The following EIF3F variants were observed in gnomAD, a reference collection of about 807,000 sequenced individuals.
EIF3F encodes eukaryotic translation initiation factor 3 subunit F.
A neutral mutation model predicts 36.0 loss-of-function variants in EIF3F; 8 were observed. That is an observed-to-expected ratio of 0.22 (90% CI 0.13 to 0.40). EIF3F has a LOEUF of 0.40. EIF3F is among the 10% of genes least tolerant of loss of function. EIF3F has a pLI of 1.00. For missense variants in EIF3F, 430 were observed against 467.6 expected (o/e 0.92, Z 0.74); for synonymous variants, 184 against 188.5 (o/e 0.98, Z 0.19).
chr11:7,993,557 G>A (rs1448141033), intron 4 of EIF3F, among the ~76,000 whole-genome samples: 1 of 152,188 alleles, frequency 6.6e-6, no homozygotes, highest in Non-Finnish European at 1.5e-5. Context: ...TATGGGGGAT[G>A]TTGGGAAAGG....
At chr11:7,990,398 A>G (rs1314062228) in intron 1 of EIF3F, among the ~76,000 whole-genome samples, 2 of 151,998 alleles carry the variant, frequency 1.3e-5, no homozygotes, top group African/African-American at 4.8e-5. Context: ...CCTTTGTAGC[A>G]AGAAAGCAGC....
intron 7 of EIF3F, 138 bp from the exon 8 acceptor site, chr11:7,995,806 CT>C: frequency 1.4e-6 from 1 of 734,280 alleles, no homozygotes; most frequent in South Asian, 1.6e-5. Flanking sequence ...ACCTTTTTGA[CT>C]TTTATTCAGT....
chr11:7,992,703 G>C (rs1280902550), intron 3 of EIF3F, 184 bp from the exon 4 acceptor site: 14 of 751,576 alleles, frequency 1.9e-5, no homozygotes, highest in Non-Finnish European at 3.1e-5. Context: ...TTTTTCATCA[G>C]CACTAAGTCA....
chr11:7,989,340 A>G (rs1564885705), intron 1 of EIF3F, among the ~76,000 whole-genome samples: 1 of 152,212 alleles, frequency 6.6e-6, no homozygotes, highest in Non-Finnish European at 1.5e-5. Flanking sequence ...TTAGCGCCCC[A>G]AATATTCCAG....
In EIF3F at chr11:7,987,391, C is replaced by T. The variant is rs151005116; in HGVS notation, c.39C>T (p.Ala13=). The change falls in exon 1 of 8, where the codon GCC becomes GCT. Residue 13 remains alanine (A), a synonymous_variant. Transcript: ENST00000651655. ...CGGTACCAGTAAGTGCTCCTCCGGC[C>T]ACGCCAACCCCAGTCCCGGCGGCGG... ...TPAVPVSAPP[A]TPTPVPAAAP... The T allele has an allele frequency of 5.0e-6, 8 of 1,599,394 alleles. No individual in the cohort carries two copies. The highest frequency in any genetic ancestry group is 2.2e-5 in the South Asian group (2 of 90,900).
chr11:7,990,440 C>CA (rs1488181315), intron 1 of EIF3F, among the ~76,000 whole-genome samples: 6 of 152,078 alleles, frequency 3.9e-5, no homozygotes, highest in South Asian at 2.1e-4. Context: ...ACTTTATTCA[C>CA]AAAAAACATT....
chr11:7,995,798 CT>C (rs1942153917), intron 7 of EIF3F, 146 bp from the exon 8 acceptor site: 1 of 715,624 alleles, frequency 1.4e-6, no homozygotes. Flanking sequence ...TGTCTTCTAC[CT>C]TTTTGACTTT....
At chr11:7,995,550 T>TC (rs1942151088) in intron 7 of EIF3F, 183 bp downstream of exon 7, 2 of 618,500 alleles carry the variant, frequency 3.2e-6, no homozygotes, top group Admixed American at 5.6e-5. Context: ...GTTGGAGACT[T>TC]CCTTCCTTCT....
chr11:7,988,650 T>TG (rs1942055938), intron 1 of EIF3F, among the ~76,000 whole-genome samples: 1 of 152,236 alleles, frequency 6.6e-6, no homozygotes, highest in Admixed American at 6.5e-5. Flanking sequence ...GCATTCTTTC[T>TG]CTTTCATACT....
rs1332177362 is a variant in EIF3F, at chr11:7,998,164, TAG to T, written c.*2147_*2148del. The T allele has an allele frequency of 6.6e-6, 1 of 152,200 alleles. No individual in the cohort carries two copies. Among genetic ancestry groups the T allele is most frequent in the Non-Finnish European group, 1.5e-5 (1 of 68,028 alleles). The allele number at this position is 152,200 out of a possible 1,614,324, so 9.4% of individuals were successfully genotyped here. On this transcript the variant is annotated 3_prime_UTR_variant, in exon 8 of 8. Coordinates refer to ENST00000651655, the MANE Select transcript of EIF3F (RefSeq NM_003754.3). ...TATAAAGTCACCATGAACACTGAATTAGAGAGTACTGAACCATTATTCCCAAG... is the reference window on the plus strand; with the variant it reads ...TATAAAGTCACCATGAACACTGAATTAGAGTACTGAACCATTATTCCCAAG...
intron 2 of EIF3F, 99 bp from the exon 3 acceptor site, chr11:7,991,985 G>A: frequency 6.7e-7 from 1 of 1,483,370 alleles, no homozygotes; most frequent in Non-Finnish European, 9.4e-7. Flanking sequence ...CGTACTTCCT[G>A]GGCCTCTTCT....
intron 1 of EIF3F, among the ~76,000 whole-genome samples, chr11:7,989,623 G>A (rs1436525855): frequency 1.3e-5 from 2 of 149,648 alleles, no homozygotes; most frequent in Admixed American, 1.3e-4. Flanking sequence ...TTAAACTCAA[G>A]ATAGAAGTGT....
rs755015234 is a variant in EIF3F, at chr11:7,987,590, C to G, written c.238C>G (p.Pro80Ala). ...GACCCCAGCGCCCGCTCTGCCTGGTCCTGCTCTTCCAGGGCCCTTCCCCGG... is the reference window on the plus strand; with the variant it reads ...GACCCCAGCGCCCGCTCTGCCTGGTGCTGCTCTTCCAGGGCCCTTCCCCGG... ...AQTPAPALPG[P>A]ALPGPFPGGR... Residue 80 changes from proline to alanine, a missense_variant, in exon 1 of 8, where the codon CCT (proline) becomes GCT (alanine). By Grantham distance (27) the Pro-to-Ala change is conservative. Coordinates refer to ENST00000651655, the MANE Select transcript of EIF3F (RefSeq NM_003754.3). 19 of 1,596,548 alleles carry G rather than the reference C, an allele frequency of 1.2e-5. No individual in the cohort carries two copies. The highest frequency in any genetic ancestry group is 1.3e-5 in the Non-Finnish European group (15 of 1,171,620).
chr11:7,996,111 C>T lies in EIF3F; in HGVS notation c.*89C>T, dbSNP rs1564887733. 1 of 1,146,608 alleles carries T rather than the reference C, an allele frequency of 8.7e-7. No homozygotes were observed. Among genetic ancestry groups the T allele is most frequent in the Non-Finnish European group, 1.3e-6 (1 of 757,740 alleles). 71.0% of individuals were successfully genotyped at this position (1,146,608 alleles called of 1,614,324 possible). A position where few individuals can be genotyped will look rare whatever the true frequency, so the allele number is the denominator to read the frequency against. ...AAATGGGTTTTTTGTGGTCTTGAGTCACACTGAGATAGTCAGTTGTGTGTG... is the reference window on the plus strand; with the variant it reads ...AAATGGGTTTTTTGTGGTCTTGAGTTACACTGAGATAGTCAGTTGTGTGTG... On this transcript the variant is annotated 3_prime_UTR_variant, in exon 8 of 8. Transcript: ENST00000651655.
At chr11:7,989,855 C>T (rs1421807963) in intron 1 of EIF3F, among the ~76,000 whole-genome samples, 2 of 152,184 alleles carry the variant, frequency 1.3e-5, no homozygotes, top group Admixed American at 1.3e-4. Context: ...ATGTAGGTGA[C>T]AGGAGGTAGA....
At chr11:7,994,860 A>G (rs1942142961) in intron 5 of EIF3F, 122 bp from the exon 6 acceptor site, 1 of 1,408,984 alleles carries the variant, frequency 7.1e-7, no homozygotes, top group Non-Finnish European at 9.8e-7. Flanking sequence ...GACTGAGTCT[A>G]AGGGGAGTTG....
At chr11:7,991,923 C>T (rs1942100770) in intron 2 of EIF3F, 72 bp downstream of exon 2, 2 of 1,562,774 alleles carry the variant, frequency 1.3e-6, no homozygotes, top group Middle Eastern at 1.7e-4. Flanking sequence ...CACGGTCCCT[C>T]CCACACTCAT....
At chr11:7,994,307 C>T (rs1942136600) in intron 4 of EIF3F, 119 bp from the exon 5 acceptor site, 2 of 851,860 alleles carry the variant, frequency 2.3e-6, no homozygotes, top group Admixed American at 2.6e-5. Context: ...CATTTGGTCC[C>T]ACCCTTTCTA....
In EIF3F at chr11:7,992,542, A is replaced by C. The variant is rs1169153518; in HGVS notation, c.516-345A>C. On this transcript the variant is annotated intron_variant, in intron 3 of 7. Coordinates refer to ENST00000651655, the MANE Select transcript of EIF3F (RefSeq NM_003754.3). ...AGCTATGATCATGCCTTGCCACTGC[A>C]TTCCAGCCTGAGTGACAGAGTGCGA... The C allele has an allele frequency of 1.2e-5, 5 of 430,758 alleles. No homozygotes were observed. In the East Asian group the frequency reaches 2.0e-4, roughly 18 times the overall value. The allele number at this position is 430,758 out of a possible 1,614,324, so 26.7% of individuals were successfully genotyped here. A position where few individuals can be genotyped will look rare whatever the true frequency, so the allele number is the denominator to read the frequency against.
Sources: gnomAD v4.1 joint callset for allele counts (sites outside exome capture counted in the v4.1 genomes callset) on GRCh38, gnomAD v4.1.1 for gene constraint, MANE v1.5 for transcripts, NCBI Gene and HGNC (gene_info 2026-07-23, HGNC 2026-07-21) for gene names.